Variants in STX8 observed in about 807,000 individuals in gnomAD.
STX8 encodes the protein syntaxin 8, also known as syntaxin-8.
Under a neutral mutation model 37.5 loss-of-function variants are expected in STX8, and 23 were observed. The ratio of observed to expected loss-of-function variants is 0.61; its 90% confidence interval spans 0.44 to 0.87. STX8 has a LOEUF of 0.87. Ranked by LOEUF, STX8 falls within the 40% of genes least tolerant of loss-of-function variation. The pLI, the probability that STX8 is intolerant of heterozygous loss-of-function variation, is 0.00. For missense variants in STX8, 313 were observed against 284.7 expected, an observed-to-expected ratio of 1.10 and a Z score of -0.71; for synonymous variants, 115 against 99.1, an observed-to-expected ratio of 1.16 and a Z score of -0.95.
chr17:9,562,898 A>C (rs1295801114), intron 2 of STX8, among the ~76,000 whole-genome samples: 1 of 152,048 alleles, frequency 6.6e-6, no homozygotes, highest in East Asian at 1.9e-4. Flanking sequence ...CTCACCTTTA[A>C]AAGACACCTA....
rs915719520 is a variant in STX8, at chr17:9,377,654, G to T, written c.643+898C>A. On this transcript the variant is annotated intron_variant, in intron 7 of 7. Transcript: ENST00000306357. Reference sequence around the variant, plus strand: ...TTTTTGTATCTTTAGTAGAGACAGGGTCTCGCCATGTTGCCCAGGCTGCTA... The same window carrying T: ...TTTTTGTATCTTTAGTAGAGACAGGTTCTCGCCATGTTGCCCAGGCTGCTA... Among the ~76,000 whole-genome samples the T allele has an allele frequency of 4.6e-5, 7 of 152,184 alleles. No homozygotes were observed. In the East Asian group the frequency reaches 1.2e-3, roughly 25 times the overall value.
chr17:9,523,311 CAAAAAAA>C (rs34297134), intron 4 of STX8, among the ~76,000 whole-genome samples: 1 of 123,282 alleles, frequency 8.1e-6, no homozygotes, highest in Non-Finnish European at 1.7e-5. Context: ...GACTCCATCT[CAAAAAAA>C]AAAAAAAAAA....
chr17:9,339,660 TA>T (rs374274858), intron 7 of STX8, among the ~76,000 whole-genome samples: 25 of 146,632 alleles, frequency 1.7e-4, no homozygotes, highest in South Asian at 6.5e-4. Flanking sequence ...AGACACCATC[TA>T]AAAAAAAAAG....
intron 7 of STX8, among the ~76,000 whole-genome samples, chr17:9,352,692 C>T (rs1490452130): frequency 6.6e-6 from 1 of 151,268 alleles, no homozygotes; most frequent in East Asian, 2.0e-4. Context: ...TTAGTAGAGA[C>T]GGGGTTTCAC....
At chr17:9,510,778 T>C (rs1165772147) in intron 4 of STX8, among the ~76,000 whole-genome samples, 1 of 150,756 alleles carries the variant, frequency 6.6e-6, no homozygotes, top group East Asian at 2.0e-4. Flanking sequence ...AGAGGAGAAA[T>C]AAATGAAATT....
intron 3 of STX8, among the ~76,000 whole-genome samples, chr17:9,552,581 G>T (rs1906807157): frequency 6.6e-6 from 1 of 151,798 alleles, no homozygotes; most frequent in African/African-American, 2.4e-5. Context: ...ATCTGTCTAT[G>T]CACTTATCTA....
At chr17:9,515,356 C>T (rs554159813) in intron 4 of STX8, among the ~76,000 whole-genome samples, 2 of 152,252 alleles carry the variant, frequency 1.3e-5, no homozygotes, top group South Asian at 2.1e-4. Flanking sequence ...CCAGGCAAAA[C>T]TGGAAGAAAA....
At chr17:9,562,968 C>A (rs1303927229) in intron 2 of STX8, among the ~76,000 whole-genome samples, 1 of 152,018 alleles carries the variant, frequency 6.6e-6, no homozygotes, top group Non-Finnish European at 1.5e-5. Flanking sequence ...CAACTCAAGA[C>A]TGGAAGCAAT....
intron 6 of STX8, among the ~76,000 whole-genome samples, chr17:9,445,842 T>TC (rs1210998646): frequency 6.8e-6 from 1 of 146,046 alleles, no homozygotes; most frequent in Non-Finnish European, 1.5e-5. Context: ...TTTTTTCTCT[T>TC]TTTTTTTTTT....
chr17:9,278,625 C>T (rs917998841), intron 7 of STX8, among the ~76,000 whole-genome samples: 1 of 152,090 alleles, frequency 6.6e-6, no homozygotes, highest in Non-Finnish European at 1.5e-5. Flanking sequence ...TCTGGATATG[C>T]TGCAGAGGGA....
chr17:9,376,282 G>C lies in STX8; in HGVS notation c.643+2270C>G, dbSNP rs114993337. Among the ~76,000 whole-genome samples, 434 of 152,168 alleles carry C rather than the reference G, an allele frequency of 2.9e-3. 2 individuals are homozygous for C. The highest frequency in any genetic ancestry group is 0.01 in the African/African-American group (417 of 41,510). On this transcript the variant is annotated intron_variant, in intron 7 of 7. Coordinates refer to ENST00000306357, the MANE Select transcript of STX8 (RefSeq NM_004853.3). ...TGCCCCAATCAGCGCTCTGTGTCTA[G>C]ACAAAGGTTTATAAACACACCAACC...
At chr17:9,268,401 C>T (rs537941700) in intron 7 of STX8, among the ~76,000 whole-genome samples, 95 of 152,214 alleles carry the variant, frequency 6.2e-4, no homozygotes, top group African/African-American at 2.2e-3. Flanking sequence ...AGGAAATACA[C>T]AAGAGCAAAG....
intron 7 of STX8, among the ~76,000 whole-genome samples, chr17:9,354,562 C>T (rs977187092): frequency 2.0e-5 from 3 of 151,898 alleles, no homozygotes; most frequent in Admixed American, 6.6e-5. Context: ...TCTCATGATC[C>T]GCCTGCCTCG....
At chr17:9,482,100 A>G (rs1906373886) in intron 6 of STX8, among the ~76,000 whole-genome samples, 2 of 152,084 alleles carry the variant, frequency 1.3e-5, no homozygotes, top group Admixed American at 1.3e-4. Flanking sequence ...TCATCCCAGG[A>G]GCTCCAGGCC....
chr17:9,407,430 C>G (rs1912839826), intron 6 of STX8, among the ~76,000 whole-genome samples: 1 of 152,124 alleles, frequency 6.6e-6, no homozygotes, highest in African/African-American at 2.4e-5. Flanking sequence ...AAACCACAAC[C>G]AAACAATAGA....
intron 4 of STX8, among the ~76,000 whole-genome samples, chr17:9,530,047 C>T (rs1468704829): frequency 6.6e-6 from 1 of 152,136 alleles, no homozygotes; most frequent in Non-Finnish European, 1.5e-5. Context: ...GTGGCTCACG[C>T]CTGTAATCCC....
chr17:9,335,711 A>T (rs979062625), intron 7 of STX8, among the ~76,000 whole-genome samples: 2 of 152,018 alleles, frequency 1.3e-5, no homozygotes, highest in Admixed American at 6.6e-5. Context: ...AGTTTTTTTA[A>T]AAAAGATAAT....
At chr17:9,363,475 G>A (rs1911131086) in intron 7 of STX8, among the ~76,000 whole-genome samples, 1 of 152,188 alleles carries the variant, frequency 6.6e-6, no homozygotes, top group African/African-American at 2.4e-5. Context: ...ATAGTGTCGG[G>A]AAAGCATACT....
intron 6 of STX8, among the ~76,000 whole-genome samples, chr17:9,415,685 C>T (rs775452132): frequency 2.6e-5 from 4 of 152,160 alleles, no homozygotes; most frequent in Non-Finnish European, 5.9e-5. Context: ...AAGAGAATGG[C>T]GTGAACCCGG....
Sources: allele counts gnomAD v4.1 joint callset (sites outside exome capture counted in the v4.1 genomes callset), GRCh38; gene constraint gnomAD v4.1.1; transcripts MANE v1.5; gene names NCBI Gene and HGNC (gene_info 2026-07-23, HGNC 2026-07-21).